PI4KA: variants seen among roughly 807,000 people sequenced by gnomAD.
PI4KA encodes PI4-kinase alpha.
A neutral mutation model predicts 271.4 loss-of-function variants in PI4KA; 122 were observed. The ratio of observed to expected loss-of-function variants is 0.45; its 90% CI spans 0.39 to 0.52. The LOEUF is 0.52. Ranked by LOEUF, PI4KA falls within the 20% of genes least tolerant of loss-of-function variation. The pLI, the probability that PI4KA is intolerant of heterozygous loss-of-function variation, is 0.00. For synonymous variants in PI4KA, 1,041 were observed against 1,078.8 expected, an observed-to-expected ratio of 0.96 and a Z score of 0.69; for missense variants, 1,969 against 2,769.1, an observed-to-expected ratio of 0.71 and a Z score of 6.48.
chr22:20,719,276 G>A (rs1328216817), intron 43 of PI4KA, among the ~76,000 whole-genome samples: 1 of 151,908 alleles, frequency 6.6e-6, no homozygotes, highest in East Asian at 1.9e-4. Context: ...GGCACACAGT[G>A]GGCGGGGCTC....
chr22:20,836,084 C>CAAAACAAAACA (rs760404845), intron 2 of PI4KA, among the ~76,000 whole-genome samples: 2 of 151,466 alleles, frequency 1.3e-5, no homozygotes, highest in Non-Finnish European at 2.9e-5. Flanking sequence ...CAAAACAAAA[C>CAAAACAAAACA]AAAAAACAAC....
At chr22:20,798,236 T>C (rs1392787312) in intron 17 of PI4KA, among the ~76,000 whole-genome samples, 1 of 152,238 alleles carries the variant, frequency 6.6e-6, no homozygotes, top group South Asian at 2.1e-4. Flanking sequence ...AAATCTTGGT[T>C]CTACTATAGG....
At chr22:20,783,015 T>A (rs932230410) in intron 19 of PI4KA, among the ~76,000 whole-genome samples, 1 of 152,114 alleles carries the variant, frequency 6.6e-6, no homozygotes, top group Non-Finnish European at 1.5e-5. Context: ...TTTCCTCATA[T>A]GTAAAAGAGG....
chr22:20,807,180 C>T (rs1307816561), intron 10 of PI4KA, among the ~76,000 whole-genome samples, 182 bp downstream of exon 10: 1 of 152,204 alleles, frequency 6.6e-6, no homozygotes. Context: ...GTTGCAGGAT[C>T]ATGGACAGAT....
At chr22:20,727,698 A>G in intron 40 of PI4KA, 76 bp downstream of exon 40, 1 of 1,123,786 alleles carries the variant, frequency 8.9e-7, no homozygotes, top group South Asian at 1.3e-5. Context: ...TCTCATTTCT[A>G]GTTTCAGGCA....
intron 54 of PI4KA, 32 bp from the exon 55 acceptor site, chr22:20,708,130 C>T (rs747877004): frequency 5.6e-6 from 9 of 1,593,776 alleles, no homozygotes; most frequent in East Asian, 4.5e-5. Context: ...AAGGGAGATT[C>T]GAGGAGCCAG....
Position 20,794,169 on chromosome 22 carries a change from T to C in PI4KA, c.2278-926A>G, listed in dbSNP as rs113795796. Among the ~76,000 whole-genome samples the C allele has an allele frequency of 7.4e-3, 1,122 of 152,384 alleles. 12 individuals are homozygous for C. The highest frequency in any genetic ancestry group is 0.025 in the African/African-American group (1,045 of 41,590). ...GGGCTGGGGGCCACAAGGGTGGCCCTGCCTGGTCCCCTCTGGGAAACCGAT... is the reference window on the plus strand; with the variant it reads ...GGGCTGGGGGCCACAAGGGTGGCCCCGCCTGGTCCCCTCTGGGAAACCGAT... On this transcript the variant is annotated intron_variant, in intron 18 of 54. Transcript: ENST00000255882.
rs547999666 is a variant in PI4KA, at chr22:20,727,147, A to G, written c.4941+83T>C. 6 of 1,310,850 alleles carry G rather than the reference A, an allele frequency of 4.6e-6. No individual in the cohort carries two copies. The Admixed American group carries it at 7.4e-5, about 16-fold the overall frequency. 81.2% of individuals were successfully genotyped at this position (1,310,850 alleles called of 1,614,324 possible). A position where few individuals can be genotyped will look rare whatever the true frequency, so the allele number is the denominator to read the frequency against. ...ATGTAACGGGGCGACCTCATGGCCAATGGTGGGGCCTGTGCCTCTCACCAG... is the reference window on the plus strand; with the variant it reads ...ATGTAACGGGGCGACCTCATGGCCAGTGGTGGGGCCTGTGCCTCTCACCAG... On this transcript the variant is annotated intron_variant, in intron 41 of 54. Coordinates refer to ENST00000255882, the MANE Select transcript of PI4KA (RefSeq NM_058004.4).
At chr22:20,781,472 AC>A (rs947305834) in intron 19 of PI4KA, among the ~76,000 whole-genome samples, 1 of 151,562 alleles carries the variant, frequency 6.6e-6, no homozygotes, top group Non-Finnish European at 1.5e-5. Context: ...AAGGAAGGAG[AC>A]CCCCCCCAGC....
At position 20,727,804 on chromosome 22, in the gene PI4KA, T is replaced by C; in HGVS notation, c.4743A>G (p.Gly1581=). The C allele has an allele frequency of 1.9e-6, 3 of 1,614,092 alleles. No homozygotes were observed. Among genetic ancestry groups the C allele is most frequent in the Non-Finnish European group, 2.5e-6 (3 of 1,179,978 alleles). Residue 1581 remains glycine (G), a synonymous_variant, in exon 40 of 55, where the codon GGA becomes GGG. Coordinates refer to ENST00000255882, the MANE Select transcript of PI4KA (RefSeq NM_058004.4). ...EVTRLVRLDP[G]AVSDVPEAIK... ...TTGCTTCAGGCACATCACTAACGGC[T>C]CCCGGGTCCAACCGAACGAGACGGG...
Position 20,826,937 on chromosome 22 carries a change from C to G in PI4KA, c.368-2523G>C, listed in dbSNP as rs12168081. Reference sequence around the variant, plus strand: ...TGTAAATTTAAGTTCCTCATAGATTCTGGACTTTAGACCTTTGCATAGTTT... The same window carrying G: ...TGTAAATTTAAGTTCCTCATAGATTGTGGACTTTAGACCTTTGCATAGTTT... On this transcript the variant is annotated intron_variant, in intron 3 of 54. Transcript: ENST00000255882. Among the ~76,000 whole-genome samples the G allele has an allele frequency of 7.7e-3, 1,171 of 152,092 alleles. 17 individuals are homozygous for G. Among genetic ancestry groups the G allele is most frequent in the African/African-American group, 0.027 (1,103 of 41,510 alleles).
intron 43 of PI4KA, 42 bp downstream of exon 43, chr22:20,721,256 T>C (rs1300404926): frequency 6.2e-7 from 1 of 1,610,758 alleles, no homozygotes; most frequent in African/African-American, 1.3e-5. Flanking sequence ...GGCAGTGCAC[T>C]GAAGACAGTA....
chr22:20,707,954 G>T lies in PI4KA; in HGVS notation c.*93C>A. On this transcript the variant is annotated 3_prime_UTR_variant, in exon 55 of 55. Transcript: ENST00000255882. Reference sequence around the variant, plus strand: ...TTGGGCCACAGGCCTCTCCTCCACTGCATGTGGCGGCAGGGCAGGGAGGTC... The same window carrying T: ...TTGGGCCACAGGCCTCTCCTCCACTTCATGTGGCGGCAGGGCAGGGAGGTC... The T allele has an allele frequency of 9.0e-7, 1 of 1,110,050 alleles. No homozygotes were observed. Among genetic ancestry groups the T allele is most frequent in the Non-Finnish European group, 1.4e-6 (1 of 720,908 alleles). 68.8% of individuals were successfully genotyped at this position (1,110,050 alleles called of 1,614,324 possible).
At position 20,742,710 on chromosome 22, in the gene PI4KA, T is replaced by C; in HGVS notation, c.3511A>G (p.Lys1171Glu). The C allele has an allele frequency of 6.2e-7, 1 of 1,614,070 alleles. No homozygotes were observed. Among genetic ancestry groups the C allele is most frequent in the South Asian group, 1.1e-5 (1 of 91,086 alleles). ...GAATGTAGATCCTGGACCATCATTT[T>C]GTTCAGGTCAGACATCTGGCCTGTG... ...GTTGQMSDLN[K>E]MMVQDLHSAL... Residue 1171 changes from lysine to glutamate, a missense_variant, in exon 31 of 55, where the codon AAA becomes GAA. Physicochemically the swap from Lys to Glu is moderately conservative, Grantham distance 56. Coordinates refer to ENST00000255882, the MANE Select transcript of PI4KA (RefSeq NM_058004.4).
chr22:20,741,573 TC>T (rs11297825), intron 32 of PI4KA, among the ~76,000 whole-genome samples: 3,945 of 152,262 alleles, frequency 0.026, 169 homozygotes, highest in African/African-American at 0.091. Context: ...TGAGATATTA[TC>T]ATCACTGCCA....
intron 19 of PI4KA, among the ~76,000 whole-genome samples, chr22:20,777,995 G>C (rs1279988066): frequency 6.6e-6 from 1 of 152,154 alleles, no homozygotes; most frequent in Non-Finnish European, 1.5e-5. Context: ...CCCTCACACA[G>C]ACTTTATCTC....
At chr22:20,744,138 G>A (rs1424788808) in intron 30 of PI4KA, among the ~76,000 whole-genome samples, 3 of 152,314 alleles carry the variant, frequency 2.0e-5, no homozygotes, top group African/African-American at 7.2e-5. Flanking sequence ...GAGGCCCACA[G>A]ATGTGATGGC....
chr22:20,807,004 G>A (rs888122600), intron 10 of PI4KA, among the ~76,000 whole-genome samples: 1 of 151,944 alleles, frequency 6.6e-6, no homozygotes, highest in African/African-American at 2.4e-5. Context: ...CAAAGTGCTG[G>A]GATTATACGC....
chr22:20,845,457 T>C (rs60867089), intron 1 of PI4KA, among the ~76,000 whole-genome samples: 4,544 of 152,304 alleles, frequency 0.03, 90 homozygotes, highest in Middle Eastern at 0.061. Context: ...AGAAACAAAA[T>C]TCTCTGAGAA....
Sources: gnomAD v4.1 joint callset for allele counts (sites outside exome capture counted in the v4.1 genomes callset) on GRCh38, gnomAD v4.1.1 for gene constraint, MANE v1.5 for transcripts, NCBI Gene and HGNC (gene_info 2026-07-23, HGNC 2026-07-21) for gene names.